Variants in EIPR1 observed in about 807,000 individuals in gnomAD.
The protein encoded by EIPR1 is EARP and GARP complex-interacting protein 1.
In EIPR1, 25 loss-of-function variants were observed where a neutral mutation model predicts 48.1. The ratio of observed to expected loss-of-function variants is 0.52; its 90% confidence interval spans 0.38 to 0.73. The LOEUF is 0.73. Among genes scored for constraint, EIPR1 ranks in the 30% least tolerant of loss-of-function variants. The probability of loss-of-function intolerance (pLI) is 0.00; values close to 1 mark genes in which losing one functional copy is unlikely to be tolerated. For missense variants in EIPR1, 415 were observed against 506.2 expected (o/e 0.82, Z 1.73); for synonymous variants, 204 against 201.9 (o/e 1.01, Z -0.09).
intron 4 of EIPR1, among the ~76,000 whole-genome samples, chr2:3,231,521 CTAAT>C (rs569699250): frequency 1.9e-3 from 283 of 152,268 alleles, no homozygotes; most frequent in Non-Finnish European, 3.1e-3. Context: ...ACTTCTATAT[CTAAT>C]TTATTTAGAG....
At chr2:3,332,498 G>A (rs1669930746) in intron 3 of EIPR1, among the ~76,000 whole-genome samples, 1 of 152,212 alleles carries the variant, frequency 6.6e-6, no homozygotes, top group African/African-American at 2.4e-5. Flanking sequence ...TTTGCTGTGT[G>A]TGGAGGCCTG....
At chr2:3,320,030 T>TGCTG (rs1558296291) in intron 3 of EIPR1, 1 of 107,152 alleles carries the variant, frequency 9.3e-6, no homozygotes, top group Non-Finnish European at 1.9e-5. Flanking sequence ...AGAGCAATAC[T>TGCTG]GCACCTGCGG....
At chr2:3,328,715 A>G (rs868494641) in intron 3 of EIPR1, among the ~76,000 whole-genome samples, 2 of 128,448 alleles carry the variant, frequency 1.6e-5, no homozygotes, top group African/African-American at 3.1e-5. Flanking sequence ...CCACGCTCTA[A>G]TGATCTCAGG....
At chr2:3,281,841 A>T (rs187522056) in intron 3 of EIPR1, among the ~76,000 whole-genome samples, 116 of 152,338 alleles carry the variant, frequency 7.6e-4, no homozygotes, top group African/African-American at 2.6e-3. Context: ...ATTCCTATAG[A>T]TCAGAGAGAA....
At chr2:3,365,497 T>C (rs939285945) in intron 1 of EIPR1, among the ~76,000 whole-genome samples, 6 of 151,516 alleles carry the variant, frequency 4.0e-5, no homozygotes, top group African/African-American at 1.5e-4. Context: ...TTTTTTTTAA[T>C]TTATTTTTAT....
intron 4 of EIPR1, among the ~76,000 whole-genome samples, chr2:3,225,538 G>A (rs781430607): frequency 1.2e-4 from 19 of 152,110 alleles, no homozygotes; most frequent in East Asian, 1.9e-4. Flanking sequence ...GCGCCACCAC[G>A]CCTGGCCGCA....
chr2:3,301,255 G>C (rs1007187698), intron 3 of EIPR1: 1 of 152,218 alleles, frequency 6.6e-6, no homozygotes, highest in African/African-American at 2.4e-5. Context: ...CAAGTGAGAT[G>C]CAGTAGACGG....
intron 1 of EIPR1, among the ~76,000 whole-genome samples, chr2:3,374,186 C>G (rs1023186481): frequency 3.3e-5 from 5 of 151,522 alleles, no homozygotes; most frequent in Non-Finnish European, 5.9e-5. Flanking sequence ...ATGTAGAAAG[C>G]TGAAACTGGA....
chr2:3,206,277 T>G (rs577536749), intron 5 of EIPR1, among the ~76,000 whole-genome samples: 7 of 152,132 alleles, frequency 4.6e-5, no homozygotes, highest in African/African-American at 1.7e-4. Flanking sequence ...AGGGTGGAGG[T>G]TGTCCTGCCA....
intron 3 of EIPR1, among the ~76,000 whole-genome samples, chr2:3,287,895 T>TCCAGAAA (rs1558275356): frequency 6.6e-6 from 1 of 152,186 alleles, no homozygotes; most frequent in African/African-American, 2.4e-5. Flanking sequence ...TTCGGCATGC[T>TCCAGAAA]GTAGCCCCTA....
intron 3 of EIPR1, among the ~76,000 whole-genome samples, chr2:3,337,749 A>G (rs1670110173): frequency 1.3e-5 from 2 of 152,090 alleles, no homozygotes; most frequent in Non-Finnish European, 2.9e-5. Flanking sequence ...TGTCTGCCTC[A>G]CCGGAAACTC....
intron 3 of EIPR1, among the ~76,000 whole-genome samples, chr2:3,271,085 T>C (rs538993225): frequency 6.6e-6 from 1 of 152,348 alleles, no homozygotes; most frequent in African/African-American, 2.4e-5. Flanking sequence ...TGCTCATCCT[T>C]AAGAAGCAAT....
intron 3 of EIPR1, among the ~76,000 whole-genome samples, chr2:3,273,986 A>T (rs1235604302): frequency 6.6e-6 from 1 of 152,260 alleles, no homozygotes; most frequent in Non-Finnish European, 1.5e-5. Context: ...AAAAAATAAT[A>T]AAGCATCTAG....
intron 4 of EIPR1, among the ~76,000 whole-genome samples, chr2:3,246,621 C>A (rs1217676670): frequency 3.9e-5 from 6 of 152,116 alleles, no homozygotes; most frequent in Middle Eastern, 3.4e-3. Flanking sequence ...AGCCACCATG[C>A]AGGTGACGGG....
intron 3 of EIPR1, among the ~76,000 whole-genome samples, chr2:3,332,466 A>G (rs1353659944): frequency 1.3e-5 from 2 of 152,226 alleles, no homozygotes; most frequent in Non-Finnish European, 2.9e-5. Context: ...GGTCCAATTG[A>G]GACCTGAAGG....
rs1217501684 is a variant in EIPR1, at chr2:3,331,217, C to A, written c.259+6800G>T. Among the ~76,000 whole-genome samples the A allele has an allele frequency of 1.9e-5, 2 of 106,520 alleles. 1 individual carries two copies. The highest frequency in any genetic ancestry group is 9.1e-5 in the African/African-American group (2 of 22,006). The allele number at this position is 106,520 out of a possible 152,430, so 69.9% of individuals were successfully genotyped here. On this transcript the variant is annotated intron_variant, in intron 3 of 8. Coordinates refer to ENST00000382125, the MANE Select transcript of EIPR1 (RefSeq NM_003310.5). ...GTGTGAGCAGAGGCAGGTGTGTATACACTCATGAGATGTGTCAGCAGAGGC... is the reference window on the plus strand; with the variant it reads ...GTGTGAGCAGAGGCAGGTGTGTATAAACTCATGAGATGTGTCAGCAGAGGC...
intron 3 of EIPR1, among the ~76,000 whole-genome samples, chr2:3,295,864 C>T (rs1223326488): frequency 7.4e-6 from 1 of 135,088 alleles, no homozygotes; most frequent in Non-Finnish European, 1.6e-5. Flanking sequence ...CCAGCCCATC[C>T]TCTCTCTGCA....
chr2:3,314,369 A>C (rs962668545), intron 3 of EIPR1, among the ~76,000 whole-genome samples: 2 of 152,138 alleles, frequency 1.3e-5, no homozygotes, highest in African/African-American at 4.8e-5. Context: ...TCACAGTCCT[A>C]ATTTATCAAT....
intron 3 of EIPR1, among the ~76,000 whole-genome samples, chr2:3,335,230 G>A (rs967955166): frequency 3.0e-4 from 46 of 152,314 alleles, no homozygotes; most frequent in African/African-American, 9.9e-4. Flanking sequence ...GTTGGAAGCC[G>A]CTGTTTGTGG....
Sources: gnomAD v4.1 joint callset for allele counts (sites outside exome capture counted in the v4.1 genomes callset) on GRCh38, gnomAD v4.1.1 for gene constraint, MANE v1.5 for transcripts, NCBI Gene and HGNC (gene_info 2026-07-23, HGNC 2026-07-21) for gene names.